NKTR: variants seen among roughly 807,000 people sequenced by gnomAD.
The protein encoded by NKTR is NK-tumor recognition protein.
In NKTR, 67 loss-of-function variants were observed where a neutral mutation model predicts 156.3. The ratio of observed to expected loss-of-function variants is 0.43; its 90% CI spans 0.35 to 0.53. The LOEUF (loss-of-function observed/expected upper bound fraction) is 0.53, where lower values mean the gene tolerates loss of function less well. NKTR is among the 20% of genes least tolerant of loss of function. The pLI is 0.01. For missense variants in NKTR, 1,604 were observed against 1,730.9 expected (o/e 0.93, Z 1.30); for synonymous variants, 640 against 596.6 (o/e 1.07, Z -1.06).
chr3:42,639,280 G>A lies in NKTR; in HGVS notation c.3576G>A (p.Gly1192=), dbSNP rs1174094240. The change falls in exon 13 of 17, where the codon GGG becomes GGA. Residue 1192 remains glycine (G), a synonymous_variant. Coordinates refer to ENST00000232978, the MANE Select transcript of NKTR (RefSeq NM_005385.4). ...MSESKVLGEV[G]KQDSSSASLA... ...AAAGTAAAGTGTTGGGTGAAGTGGGGAAACAGGACAGCAGCTCTGCTAGCT... is the reference window on the plus strand; with the variant it reads ...AAAGTAAAGTGTTGGGTGAAGTGGGAAAACAGGACAGCAGCTCTGCTAGCT... The A allele has an allele frequency of 1.2e-6, 2 of 1,614,174 alleles. No individual in the cohort carries two copies. The highest frequency in any genetic ancestry group is 1.7e-5 in the Admixed American group (1 of 60,026).
rs1709582492 is a variant in NKTR, at chr3:42,638,146, A to G, written c.2442A>G (p.Ser814=). The part of the protein sequence containing the change: ...SLDYSSDSEQ[S]SVQATQSAQE... ...ATTATTCTTCAGACAGTGAGCAGTCAAGTGTTCAGGCCACACAGTCAGCCC... is the reference window on the plus strand; with the variant it reads ...ATTATTCTTCAGACAGTGAGCAGTCGAGTGTTCAGGCCACACAGTCAGCCC... The change falls in exon 13 of 17, where the codon TCA becomes TCG. Residue 814 remains serine (S), a synonymous_variant. Transcript: ENST00000232978. 1 of 1,613,762 alleles carries G rather than the reference A, an allele frequency of 6.2e-7. No homozygotes were observed. The highest frequency in any genetic ancestry group is 1.7e-4 in the Middle Eastern group (1 of 6,056).
chr3:42,611,804 C>G (rs1244162873), intron 2 of NKTR, among the ~76,000 whole-genome samples: 2 of 151,780 alleles, frequency 1.3e-5, no homozygotes, highest in Non-Finnish European at 2.9e-5. Flanking sequence ...CCTATTGATT[C>G]CCACTATGAA....
intron 2 of NKTR, among the ~76,000 whole-genome samples, chr3:42,610,141 G>A (rs919030121): frequency 1.3e-5 from 2 of 152,112 alleles, no homozygotes; most frequent in African/African-American, 4.8e-5. Context: ...GAGTAGCTGG[G>A]ATTACAGGAG....
Position 42,638,352 on chromosome 3 carries a change from G to A in NKTR, c.2648G>A (p.Ser883Asn). 1 of 1,613,366 alleles carries A rather than the reference G, an allele frequency of 6.2e-7. No homozygotes were observed. Among genetic ancestry groups the A allele is most frequent in the East Asian group, 2.2e-5 (1 of 44,884 alleles). The change falls in exon 13 of 17, where the codon AGT becomes AAT. Residue 883 changes from serine (S) to asparagine (N), a missense_variant. This residue lies in a region of NKTR where 1,255 missense variants were observed against 1,243.7 expected (regional missense o/e 1.01). Coordinates refer to ENST00000232978, the MANE Select transcript of NKTR (RefSeq NM_005385.4). Reference protein sequence around the residue: ...SKPKRKNYAGSKWDSESNSER... With the variant: ...SKPKRKNYAGNKWDSESNSER... The stretch of plus-strand genomic sequence containing the variant: ...CCCAAAAGGAAGAATTATGCTGGTA[G>A]TAAATGGGACTCTGAGTCAAATTCA...
intron 6 of NKTR, chr3:42,629,033 T>C: frequency 1.2e-6 from 1 of 859,550 alleles, no homozygotes; most frequent in Non-Finnish European, 1.4e-6. Flanking sequence ...ATAAAAGCAC[T>C]CTTTACATCT....
intron 6 of NKTR, among the ~76,000 whole-genome samples, chr3:42,622,040 A>T (rs1707956386): frequency 6.6e-6 from 1 of 151,994 alleles, no homozygotes; most frequent in African/African-American, 2.4e-5. Context: ...CGAGCATTTT[A>T]AAAAACTCAT....
rs1413538978 is a variant in NKTR, at chr3:42,637,205, T to G, written c.1501T>G (p.Ser501Ala). 6.2e-7 allele frequency: 1 copy of G among 1,612,098 alleles called. No individual in the cohort carries two copies. The highest frequency in any genetic ancestry group is 1.1e-5 in the South Asian group (1 of 90,584). The change falls in exon 13 of 17, where the codon TCT becomes GCT. Residue 501 changes from serine to alanine, a missense_variant. By Grantham distance (99) the Ser-to-Ala change is moderately conservative. Coordinates refer to ENST00000232978, the MANE Select transcript of NKTR (RefSeq NM_005385.4). ...SSHHSSKRDW[S>A]KSDKDVQSSL... is the part of the protein sequence containing the mutation. ...TCATCACTCATCAAAGAGAGACTGG[T>G]CTAAATCTGATAAGGATGTCCAGAG...
chr3:42,608,608 A>T (rs1170472616), intron 2 of NKTR, among the ~76,000 whole-genome samples: 2 of 152,134 alleles, frequency 1.3e-5, no homozygotes, highest in African/African-American at 4.8e-5. Flanking sequence ...TTATTTCATC[A>T]CGTATGATTG....
Position 42,638,244 on chromosome 3 carries a change from C to G in NKTR, c.2540C>G (p.Ser847Cys), listed in dbSNP as rs1022339167. ...GAAAAAAACAGAGGTGAAGAAAAATCCAAGTCTGAACGGGAATGCCCTCAT... is the reference window on the plus strand; with the variant it reads ...GAAAAAAACAGAGGTGAAGAAAAATGCAAGTCTGAACGGGAATGCCCTCAT... ...KQEKNRGEEK[S>C]KSERECPHSK... The change falls in exon 13 of 17, where the codon TCC becomes TGC. Residue 847 changes from serine (S) to cysteine (C), a missense_variant. Physicochemically the swap from Ser to Cys is moderately radical, Grantham distance 112. Coordinates refer to ENST00000232978, the MANE Select transcript of NKTR (RefSeq NM_005385.4). 17 of 1,612,822 alleles carry G rather than the reference C, an allele frequency of 1.1e-5. No homozygotes were observed. The African/African-American group carries it at 2.0e-4, about 19-fold the overall frequency.
At chr3:42,608,996 C>T (rs961942836) in intron 2 of NKTR, among the ~76,000 whole-genome samples, 4 of 151,994 alleles carry the variant, frequency 2.6e-5, no homozygotes, top group East Asian at 1.9e-4. Context: ...GGCATGGTGG[C>T]GAGCACCTGT....
chr3:42,645,994 T>A lies in NKTR; in HGVS notation c.*19T>A. On this transcript the variant is annotated 3_prime_UTR_variant, in exon 17 of 17. Coordinates refer to ENST00000232978, the MANE Select transcript of NKTR (RefSeq NM_005385.4). ...CAGTTGAAAACGTCCGGATACAAAT[T>A]ATATCTTATTTGTAAATATCTGGCA... The A allele has an allele frequency of 6.5e-7, 1 of 1,548,566 alleles. No homozygotes were observed.
chr3:42,608,204 TG>T (rs1285382171), intron 2 of NKTR, among the ~76,000 whole-genome samples: 5 of 151,828 alleles, frequency 3.3e-5, no homozygotes, highest in African/African-American at 1.2e-4. Flanking sequence ...TTGGTCAGGC[TG>T]GTCCTAAACT....
chr3:42,634,123 C>T (rs1709169400), intron 10 of NKTR, among the ~76,000 whole-genome samples: 1 of 152,072 alleles, frequency 6.6e-6, no homozygotes. Context: ...AGCATGGGTT[C>T]CAATTTGAAT....
In NKTR at chr3:42,639,181, C is replaced by T; in HGVS notation, c.3477C>T (p.Asn1159=). 1 of 1,614,098 alleles carries T rather than the reference C, an allele frequency of 6.2e-7. No homozygotes were observed. The highest frequency in any genetic ancestry group is 8.5e-7 in the Non-Finnish European group (1 of 1,180,000). Residue 1159 remains asparagine (N), a synonymous_variant, in exon 13 of 17, where the codon AAC becomes AAT. Coordinates refer to ENST00000232978, the MANE Select transcript of NKTR (RefSeq NM_005385.4). ...CACGGCTTGATACCCCAGATATAAA[C>T]ATTGTTTTGAAGCAGGATATGGCAA... is the stretch of plus-strand genomic sequence containing the variant. The part of the protein sequence containing the change: ...GNARLDTPDI[N]IVLKQDMATE...
chr3:42,619,787 A>G, intron 5 of NKTR, 79 bp downstream of exon 5: 1 of 1,567,136 alleles, frequency 6.4e-7, no homozygotes, highest in Non-Finnish European at 8.6e-7. Flanking sequence ...TAATGAGAAG[A>G]GGTTTACTTA....
intron 2 of NKTR, chr3:42,601,933 G>A (rs639692): frequency 0.45 from 68,045 of 151,950 alleles, 17,522 homozygotes; most frequent in African/African-American, 0.71. Context: ...GGGGGAAGAC[G>A]GACAACTAGG....
chr3:42,631,976 T>A (rs994121013), intron 8 of NKTR, among the ~76,000 whole-genome samples: 2 of 152,148 alleles, frequency 1.3e-5, no homozygotes, highest in Non-Finnish European at 2.9e-5. Context: ...AAATGTTATG[T>A]TAAACTACCC....
At position 42,601,014 on chromosome 3, in the gene NKTR, C is replaced by A; in HGVS notation, c.8C>A (p.Ala3Glu). The change falls in exon 2 of 17, where the codon GCG becomes GAG. Residue 3 changes from alanine to glutamate, a missense_variant. Transcript: ENST00000232978. MG[A>E]QDRPQCHFDI... ...GCCGCCACCTCGGTCGCGATGGGGG[C>A]GCAGGACCGGCCGCAGTGCCACTTC... 2 of 1,576,628 alleles carry A rather than the reference C, an allele frequency of 1.3e-6. No individual in the cohort carries two copies. The highest frequency in any genetic ancestry group is 1.7e-6 in the Non-Finnish European group (2 of 1,164,514).
rs773391503 is a variant in NKTR at position 42,635,277 on chromosome 3, C to T, written c.1074C>T (p.Ser358=). The change falls in exon 12 of 17, where the codon AGC becomes AGT. Residue 358 remains serine, a synonymous_variant. Transcript: ENST00000232978. ...RSCSESDDDD[S]SETPPHWKEE... The stretch of plus-strand genomic sequence containing the variant: ...GTTCTGAGTCAGATGATGATGACAG[C>T]AGTGAAACTCCTCCTCACTGGAAAG... 1.9e-6 allele frequency: 3 copies of T among 1,613,344 alleles called. No individual in the cohort carries two copies. In the African/African-American group the frequency reaches 4.0e-5, roughly 22 times the overall value.
Sources: gnomAD v4.1 joint callset for allele counts (sites outside exome capture counted in the v4.1 genomes callset) on GRCh38, gnomAD v4.1.1 for gene constraint, gnomAD v4.1.1 regional missense constraint, MANE v1.5 for transcripts, NCBI Gene and HGNC (gene_info 2026-07-23, HGNC 2026-07-21) for gene names.